Variants in C1QTNF3 observed in about 807,000 individuals in gnomAD.
The protein encoded by C1QTNF3 is C1q and TNF related 3, also known as complement C1q tumor necrosis factor-related protein 3.
C1QTNF3 carries 26 observed loss-of-function variants against 32.6 expected under a neutral mutation model. The ratio of observed to expected loss-of-function variants is 0.80; its 90% CI spans 0.58 to 1.11. The LOEUF (loss-of-function observed/expected upper bound fraction) is 1.11, where lower values mean the gene tolerates loss of function less well. Among genes scored for constraint, C1QTNF3 ranks in the 50% least tolerant of loss-of-function variants. The pLI is 0.00. For missense variants in C1QTNF3, 362 were observed against 398.2 expected (o/e 0.91, Z 0.77); for synonymous variants, 155 against 146.0 (o/e 1.06, Z -0.44).
At chr5:34,119,580 A>C in the C1QTNF3 span, among the ~76,000 whole-genome samples, 2 of 152,162 alleles carry the variant, frequency 1.3e-5, no homozygotes, top group East Asian at 3.9e-4. Flanking sequence ...TGGAAGCCAA[A>C]GGTCCAAAAT....
the C1QTNF3 span, among the ~76,000 whole-genome samples, chr5:34,205,631 T>C: frequency 5.0e-4 from 76 of 152,224 alleles, no homozygotes; most frequent in Non-Finnish European, 8.8e-5. Flanking sequence ...GTACAGCCTG[T>C]GGAACTGTGA....
the C1QTNF3 span, among the ~76,000 whole-genome samples, chr5:34,226,867 A>G: frequency 1.3e-5 from 2 of 151,266 alleles, no homozygotes. Context: ...GTACTACAGT[A>G]TATTTATTTC....
the C1QTNF3 span, among the ~76,000 whole-genome samples, chr5:34,080,275 T>C: frequency 6.6e-6 from 1 of 151,758 alleles, no homozygotes; most frequent in Non-Finnish European, 1.5e-5. Flanking sequence ...GTGATGCACA[T>C]AACTCAGTTA....
the C1QTNF3 span, chr5:34,166,849 C>A: frequency 6.6e-6 from 1 of 151,732 alleles, no homozygotes; most frequent in Admixed American, 6.6e-5. Flanking sequence ...GGATTGAAAA[C>A]ATACCTAGAT....
At chr5:34,089,637 G>A in the C1QTNF3 span, among the ~76,000 whole-genome samples, 144 of 152,284 alleles carry the variant, frequency 9.5e-4, no homozygotes, top group Non-Finnish European at 1.4e-3. Flanking sequence ...CCAGTGTATG[G>A]TATTTTTCTA....
chr5:34,077,297 A>T, the C1QTNF3 span, among the ~76,000 whole-genome samples: 1 of 151,672 alleles, frequency 6.6e-6, no homozygotes, highest in South Asian at 2.1e-4. Context: ...TTATTTTTTT[A>T]ACCCTGAGTA....
At chr5:34,202,671 T>C in the C1QTNF3 span, among the ~76,000 whole-genome samples, 46 of 152,252 alleles carry the variant, frequency 3.0e-4, no homozygotes, top group Middle Eastern at 3.4e-3. Context: ...TTGATATGTA[T>C]ATGTTAACTT....
At chr5:34,078,524 T>C in the C1QTNF3 span, among the ~76,000 whole-genome samples, 1 of 151,658 alleles carries the variant, frequency 6.6e-6, no homozygotes, top group Non-Finnish European at 1.5e-5. The surrounding 1 kb of genome is among the most constrained non-coding windows in gnomAD (Gnocchi z 4.0). Flanking sequence ...GGGAACTCAC[T>C]CACTATCATG....
the C1QTNF3 span, among the ~76,000 whole-genome samples, chr5:34,053,509 C>G: frequency 6.6e-6 from 1 of 152,218 alleles, no homozygotes; most frequent in Non-Finnish European, 1.5e-5. Context: ...CAAATCCAGT[C>G]AAATGCTCAT....
chr5:34,211,396 CCTTT>C, the C1QTNF3 span, among the ~76,000 whole-genome samples: 1 of 151,846 alleles, frequency 6.6e-6, no homozygotes. Context: ...GTGTATACCC[CCTTT>C]TTTTTTATAC....
At chr5:34,032,969 C>A in intron 3 of C1QTNF3, 1 of 226,538 alleles carries the variant, frequency 4.4e-6, no homozygotes, top group South Asian at 1.0e-4. Flanking sequence ...TCAAGTTGGC[C>A]CAAACCCTTA....
chr5:34,106,380 C>T, the C1QTNF3 span: 3 of 151,586 alleles, frequency 2.0e-5, no homozygotes, highest in African/African-American at 7.3e-5. Context: ...AGGCAACTGG[C>T]TATTAAAGGT....
At chr5:34,071,258 A>G in the C1QTNF3 span, among the ~76,000 whole-genome samples, 3 of 152,142 alleles carry the variant, frequency 2.0e-5, no homozygotes, top group Non-Finnish European at 4.4e-5. Context: ...TTCTCCTTAG[A>G]TTTTATCCCT....
At chr5:34,044,766 A>G (rs1371208467), upstream of C1QTNF3, among the ~76,000 whole-genome samples, 1 of 152,152 alleles carries the variant, frequency 6.6e-6, no homozygotes, top group Non-Finnish European at 1.5e-5. Flanking sequence ...GTTCCCACCT[A>G]GTAGGGCATA....
chr5:34,082,617 G>C, the C1QTNF3 span, among the ~76,000 whole-genome samples: 134 of 151,708 alleles, frequency 8.8e-4, no homozygotes, highest in East Asian at 0.018. Flanking sequence ...GAAACATTCT[G>C]GTCAATAGAC....
chr5:34,176,519 C>A, the C1QTNF3 span, among the ~76,000 whole-genome samples: 1 of 151,684 alleles, frequency 6.6e-6, no homozygotes, highest in Non-Finnish European at 1.5e-5. Context: ...TAATCTGATA[C>A]TCAATTTTTC....
chr5:34,197,668 G>A, the C1QTNF3 span, among the ~76,000 whole-genome samples: 2 of 152,128 alleles, frequency 1.3e-5, no homozygotes, highest in African/African-American at 2.4e-5. Context: ...TTGCTGTCAT[G>A]TTGTTGACCC....
At chr5:34,051,608 T>C in the C1QTNF3 span, among the ~76,000 whole-genome samples, 395 of 152,366 alleles carry the variant, frequency 2.6e-3, no homozygotes, top group African/African-American at 8.9e-3. Context: ...CTGAAGGATT[T>C]AGAGAGCTGG....
chr5:34,168,722 G>C, the C1QTNF3 span: 1 of 152,154 alleles, frequency 6.6e-6, no homozygotes, highest in Non-Finnish European at 1.5e-5. Context: ...AACTGTGATA[G>C]TCACTAGGGG....
Sources: gnomAD v4.1 joint callset for allele counts (sites outside exome capture counted in the v4.1 genomes callset) on GRCh38, gnomAD v4.1.1 for gene constraint, Gnocchi (gnomAD v3.1) non-coding constraint, MANE v1.5 for transcripts, NCBI Gene and HGNC (gene_info 2026-07-23, HGNC 2026-07-21) for gene names.